PVT1: variants seen among roughly 807,000 people sequenced by gnomAD.
PVT1 encodes the protein Pvt1 oncogene, also known as CXCR4/PVT1 fusion.
chr8:127,839,027 G>C (rs1485924746), intron 2 of PVT1, among the ~76,000 whole-genome samples: 1 of 152,214 alleles, frequency 6.6e-6, no homozygotes, highest in Non-Finnish European at 1.5e-5. Context: ...CAGCCTAGAA[G>C]CAGTAGGCTG....
At chr8:128,067,953 G>GTT (rs34269945) in intron 4 of PVT1, among the ~76,000 whole-genome samples, 53,614 of 142,158 alleles carry the variant, frequency 0.38, 9,977 homozygotes, top group Middle Eastern at 0.4. Flanking sequence ...CATACTTTGT[G>GTT]TTTTTTTTTT....
At chr8:127,987,883 G>A (rs1816987319) in intron 3 of PVT1, among the ~76,000 whole-genome samples, 1 of 152,254 alleles carries the variant, frequency 6.6e-6, no homozygotes, top group African/African-American at 2.4e-5. Context: ...AGGCGCTGAG[G>A]ACAGCATCTT....
intron 4 of PVT1, among the ~76,000 whole-genome samples, chr8:128,039,589 T>TCTAGCCAC (rs1813507370): frequency 6.6e-6 from 1 of 152,162 alleles, no homozygotes; most frequent in Non-Finnish European, 1.5e-5. Context: ...GGGGAGACAG[T>TCTAGCCAC]CTAGCCACAA....
In PVT1 at chr8:127,921,647, A is replaced by C. The variant is rs911854419; in HGVS notation, n.782+30649A>C. 6.6e-5 allele frequency among the ~76,000 whole-genome samples: 10 copies of C among 151,992 alleles called. No homozygotes were observed. The East Asian group carries it at 7.8e-4, about 12-fold the overall frequency. On this transcript the variant is annotated intron_variant and non_coding_transcript_variant, in intron 3 of 10. Coordinates refer to ENST00000651587, the Ensembl canonical transcript of PVT1. The stretch of plus-strand genomic sequence containing the variant: ...GCCAACATATCGAAACCCCATCTCT[A>C]TTAAAAAATACAGAAAATTAGCTGG...
intron 2 of PVT1, among the ~76,000 whole-genome samples, chr8:127,859,043 A>C (rs772243430): frequency 2.0e-5 from 3 of 151,756 alleles, no homozygotes; most frequent in Non-Finnish European, 4.4e-5. Context: ...CCAGAGCTCG[A>C]GTGATTCTCC....
At chr8:127,812,745 C>T (rs74796224) in intron 2 of PVT1, among the ~76,000 whole-genome samples, 5,384 of 151,246 alleles carry the variant, frequency 0.036, 345 homozygotes, top group African/African-American at 0.12. Flanking sequence ...AAAAACCGGT[C>T]GGCTATCTTG....
chr8:127,909,591 T>C (rs1397674251), intron 3 of PVT1, among the ~76,000 whole-genome samples: 1 of 152,200 alleles, frequency 6.6e-6, no homozygotes, highest in Non-Finnish European at 1.5e-5. Context: ...TGGGGGTGAC[T>C]CATGGGCAAC....
rs927649562 is a variant in PVT1 at position 127,889,038 on chromosome 8, T to C, written n.373-1551T>C. 2.8e-4 allele frequency among the ~76,000 whole-genome samples: 14 copies of C among 50,466 alleles called. 1 individual carries two copies. The East Asian group carries it at 3.1e-3, about 11-fold the overall frequency. The allele number at this position is 50,466 out of a possible 152,430, so 33.1% of individuals were successfully genotyped here. On this transcript the variant is annotated intron_variant and non_coding_transcript_variant, in intron 2 of 10. Coordinates refer to ENST00000651587, the Ensembl canonical transcript of PVT1. ...AACCCCTTTTCCTTTCTCTCTTTCTTTCTTCCTTCCTTCCTTCCTTCCTTC... is the reference window on the plus strand; with the variant it reads ...AACCCCTTTTCCTTTCTCTCTTTCTCTCTTCCTTCCTTCCTTCCTTCCTTC...
chr8:128,004,571 G>C (rs939593454), intron 4 of PVT1, among the ~76,000 whole-genome samples: 2 of 152,194 alleles, frequency 1.3e-5, no homozygotes, highest in Non-Finnish European at 2.9e-5. Context: ...CATCTCATCA[G>C]ATGGCTGTAG....
chr8:127,799,133 G>T (rs538597848), intron 2 of PVT1, among the ~76,000 whole-genome samples: 35 of 150,976 alleles, frequency 2.3e-4, no homozygotes, highest in Admixed American at 1.7e-3. Flanking sequence ...GGAGTTAGGT[G>T]GGGGGGGAGG....
At chr8:127,810,223 C>A (rs1814578166) in intron 2 of PVT1, among the ~76,000 whole-genome samples, 1 of 152,242 alleles carries the variant, frequency 6.6e-6, no homozygotes, top group African/African-American at 2.4e-5. Context: ...AAGGCCATAT[C>A]TCTTCCTTTT....
At chr8:128,002,414 T>C (rs4733587) in intron 4 of PVT1, among the ~76,000 whole-genome samples, 49,633 of 152,132 alleles carry the variant, frequency 0.33, 8,582 homozygotes, top group East Asian at 0.51. Context: ...ATTAGTTTCC[T>C]AGAGCTGCTA....
chr8:127,992,996 C>T (rs763529388), intron 4 of PVT1, among the ~76,000 whole-genome samples: 1 of 152,238 alleles, frequency 6.6e-6, no homozygotes, highest in Non-Finnish European at 1.5e-5. Context: ...TAAAGAACTC[C>T]TGGCCCACTC....
intron 4 of PVT1, among the ~76,000 whole-genome samples, chr8:128,037,923 C>A (rs1279470178): frequency 6.6e-6 from 1 of 152,198 alleles, no homozygotes; most frequent in African/African-American, 2.4e-5. Context: ...TTTACTGGTT[C>A]TCCTTCCCTG....
chr8:128,041,260 ATG>A (rs1813532800), intron 4 of PVT1, among the ~76,000 whole-genome samples: 1 of 130,774 alleles, frequency 7.6e-6, no homozygotes, highest in Non-Finnish European at 1.6e-5. Context: ...GTGTTTGTGC[ATG>A]TGTGTGCATC....
chr8:127,802,518 G>A (rs575295423), intron 2 of PVT1, among the ~76,000 whole-genome samples: 2 of 152,312 alleles, frequency 1.3e-5, no homozygotes, highest in East Asian at 3.9e-4. Flanking sequence ...ACCCTGCCAA[G>A]TTATCTCATG....
chr8:127,991,048 G>A (rs1443057206), intron 4 of PVT1, among the ~76,000 whole-genome samples: 1 of 151,734 alleles, frequency 6.6e-6, no homozygotes, highest in African/African-American at 2.4e-5. Flanking sequence ...TCGTATCATT[G>A]TTGAATTTCT....
chr8:128,029,121 C>T (rs529597747), intron 4 of PVT1, among the ~76,000 whole-genome samples: 1 of 151,776 alleles, frequency 6.6e-6, no homozygotes, highest in South Asian at 2.1e-4. Context: ...CTTGGGACTA[C>T]AGCACCACCA....
intron 4 of PVT1, among the ~76,000 whole-genome samples, chr8:128,002,755 A>G (rs545522025): frequency 6.6e-6 from 1 of 152,254 alleles, no homozygotes; most frequent in Admixed American, 6.5e-5. Flanking sequence ...CAAAGACCCA[A>G]TTTCCAAATA....
Sources: gnomAD v4.1 joint callset for allele counts (sites outside exome capture counted in the v4.1 genomes callset) on GRCh38, gnomAD v4.1.1 for gene constraint, MANE v1.5 for transcripts, NCBI Gene and HGNC (gene_info 2026-07-23, HGNC 2026-07-21) for gene names.